BRINP2: variants seen among roughly 807,000 people sequenced by gnomAD.
BRINP2 encodes the protein BMP/retinoic acid-inducible neural-specific protein 2.
In BRINP2, 21 loss-of-function variants were observed where a neutral mutation model predicts 69.2. That is an observed-to-expected ratio of 0.30 (90% confidence interval 0.22 to 0.44). The LOEUF is 0.44. Among genes scored for constraint, BRINP2 ranks in the 20% least tolerant of loss-of-function variants. The pLI is 1.00. For missense variants in BRINP2, 877 were observed against 986.0 expected, an observed-to-expected ratio of 0.89 and a Z score of 1.48; for synonymous variants, 380 against 394.1, an observed-to-expected ratio of 0.96 and a Z score of 0.42.
At chr1:177,229,342 C>T (rs1481593064) in intron 1 of BRINP2, among the ~76,000 whole-genome samples, 2 of 152,222 alleles carry the variant, frequency 1.3e-5, no homozygotes, top group Admixed American at 1.3e-4. Flanking sequence ...TGGGTTGCTT[C>T]TCACCTTACA....
chr1:177,254,378 GCACA>G (rs71565492), intron 2 of BRINP2, among the ~76,000 whole-genome samples: 8,761 of 143,906 alleles, frequency 0.061, 293 homozygotes, highest in African/African-American at 0.097. Flanking sequence ...AAGCACACAT[GCACA>G]CACACACACA....
At position 177,248,133 on chromosome 1, in the gene BRINP2, A is replaced by G. The variant is rs146692803; in HGVS notation, c.270-7786A>G. ...ATAATCCGGCTGTTCGTGTGAAGTTATAGCACAACCACCCACATTGTAGGC... is the reference window on the plus strand; with the variant it reads ...ATAATCCGGCTGTTCGTGTGAAGTTGTAGCACAACCACCCACATTGTAGGC... On this transcript the variant is annotated intron_variant, in intron 2 of 7. Coordinates refer to ENST00000361539, the MANE Select transcript of BRINP2 (RefSeq NM_021165.4). Among the ~76,000 whole-genome samples, 127 of 152,330 alleles carry G rather than the reference A, an allele frequency of 8.3e-4. 3 individuals carry two copies. In the Middle Eastern group the frequency reaches 0.024, roughly 29 times the overall value.
intron 1 of BRINP2, among the ~76,000 whole-genome samples, chr1:177,223,058 TGGAAGGGAGGCTCC>T (rs1558165357): frequency 6.6e-6 from 1 of 152,200 alleles, no homozygotes; most frequent in Non-Finnish European, 1.5e-5. Flanking sequence ...TCCCCCTGAC[TGGAAGGGAGGCTCC>T]GGAGTAGAAG....
At chr1:177,217,550 G>T (rs1050273093) in intron 1 of BRINP2, among the ~76,000 whole-genome samples, 12 of 152,072 alleles carry the variant, frequency 7.9e-5, no homozygotes, top group African/African-American at 2.7e-4. Flanking sequence ...TCTTTTGGAG[G>T]TGTTATGAGT....
intron 3 of BRINP2, chr1:177,256,772 G>A: frequency 9.0e-7 from 1 of 1,112,914 alleles, no homozygotes; most frequent in South Asian, 2.3e-5. Flanking sequence ...CAGGTGTTGA[G>A]TGTTTGATGG....
At position 177,229,986 on chromosome 1, in the gene BRINP2, C is replaced by T. The variant is rs762102096; in HGVS notation, c.110C>T (p.Thr37Met). ...LPGWVLAVSA[T>M]AAAVVPEQHA... is the part of the protein sequence containing the mutation. Reference sequence around the variant, plus strand: ...GGCTGGGTGTTGGCTGTCTCAGCCACGGCGGCTGCTGTGGTCCCCGAGCAG... The same window carrying T: ...GGCTGGGTGTTGGCTGTCTCAGCCATGGCGGCTGCTGTGGTCCCCGAGCAG... Residue 37 changes from threonine to methionine, a missense_variant, in exon 2 of 8, where the codon ACG (threonine) becomes ATG (methionine). Transcript: ENST00000361539. The T allele has an allele frequency of 1.9e-6, 3 of 1,613,164 alleles. No homozygotes were observed. The highest frequency in any genetic ancestry group is 1.3e-5 in the African/African-American group (1 of 74,928).
At chr1:177,197,517 G>T (rs1217968896) in intron 1 of BRINP2, among the ~76,000 whole-genome samples, 1 of 152,100 alleles carries the variant, frequency 6.6e-6, no homozygotes, top group Non-Finnish European at 1.5e-5. Context: ...AGAGAGAGAA[G>T]CCATGTGAGG....
At chr1:177,202,862 C>A (rs1648959844) in intron 1 of BRINP2, among the ~76,000 whole-genome samples, 2 of 152,148 alleles carry the variant, frequency 1.3e-5, no homozygotes, top group African/African-American at 4.8e-5. Flanking sequence ...AATAGGAACA[C>A]TTGTACACTG....
At chr1:177,272,950 A>T (rs2102360159) in intron 4 of BRINP2, among the ~76,000 whole-genome samples, 1 of 152,392 alleles carries the variant, frequency 6.6e-6, no homozygotes, top group South Asian at 2.1e-4. Flanking sequence ...TTATTAAAAT[A>T]TGCAGTAAGC....
chr1:177,236,643 C>T (rs990154070), intron 2 of BRINP2, among the ~76,000 whole-genome samples: 3 of 152,084 alleles, frequency 2.0e-5, no homozygotes, highest in African/African-American at 4.8e-5. Context: ...TCAAGGAAAG[C>T]TGGAATAAAA....
rs55687261 is a variant in BRINP2 at position 177,266,121 on chromosome 1, AAAT to A, written c.670-7344_670-7342del. On this transcript the variant is annotated intron_variant, in intron 4 of 7. Coordinates refer to ENST00000361539, the MANE Select transcript of BRINP2 (RefSeq NM_021165.4). ...GGTGACAGAGTGAGACTCCATCTCA[AAAT>A]AATAATAATAATAATAATAATATTA... is the stretch of plus-strand genomic sequence containing the variant. 3.8e-3 allele frequency among the ~76,000 whole-genome samples: 568 copies of A among 147,998 alleles called. 3 individuals carry two copies. Among genetic ancestry groups the A allele is most frequent in the African/African-American group, 9.9e-3 (397 of 40,108 alleles).
chr1:177,220,960 A>C (rs1649511333), intron 1 of BRINP2, among the ~76,000 whole-genome samples: 1 of 152,212 alleles, frequency 6.6e-6, no homozygotes. Context: ...ATGCTTATCT[A>C]AGCTGGAAAA....
rs775522484 is a variant in BRINP2, at chr1:177,281,261, T to C, written c.2085T>C (p.Asp695=). Residue 695 remains aspartate (D), a synonymous_variant, in exon 8 of 8, where the codon GAT becomes GAC. Transcript: ENST00000361539. ...VFGYSLPFDP[D]AIRDLILQLD... is the part of the protein sequence containing the mutation. ...GCTACAGCCTGCCCTTTGACCCAGATGCTATCCGGGACTTAATTCTCCAGT... is the reference window on the plus strand; with the variant it reads ...GCTACAGCCTGCCCTTTGACCCAGACGCTATCCGGGACTTAATTCTCCAGT... 1.2e-6 allele frequency: 2 copies of C among 1,614,078 alleles called. No homozygotes were observed. Among genetic ancestry groups the C allele is most frequent in the Middle Eastern group, 1.6e-4 (1 of 6,084 alleles).
At chr1:177,174,384 A>G (rs748533774) in intron 1 of BRINP2, among the ~76,000 whole-genome samples, 1 of 152,250 alleles carries the variant, frequency 6.6e-6, no homozygotes, top group Admixed American at 6.5e-5. Flanking sequence ...GTGAAGAATA[A>G]AAGTCTCATA....
In BRINP2 at chr1:177,276,394, G is replaced by A. The variant is rs746335481; in HGVS notation, c.972G>A (p.Gln324=). ...TGGAGGACAGCCTGCTGCAGATCCA[G>A]GACTCCTGGGCCACTCACAACCGGC... is the stretch of plus-strand genomic sequence containing the variant. ...QAMEDSLLQI[Q]DSWATHNRQF... The change falls in exon 6 of 8, where the codon CAG becomes CAA. Residue 324 remains glutamine (Q), a synonymous_variant. Transcript: ENST00000361539. 6.1e-5 allele frequency: 99 copies of A among 1,614,034 alleles called. No homozygotes were observed. Among genetic ancestry groups the A allele is most frequent in the Non-Finnish European group, 8.1e-5 (95 of 1,180,040 alleles).
intron 1 of BRINP2, among the ~76,000 whole-genome samples, chr1:177,194,423 C>G (rs186436392): frequency 4.1e-4 from 62 of 152,270 alleles, no homozygotes; most frequent in Middle Eastern, 6.8e-3. Context: ...TTCTGAGAAC[C>G]TGGGTCCAGA....
chr1:177,258,073 G>A (rs190102608), intron 4 of BRINP2, among the ~76,000 whole-genome samples: 5 of 152,204 alleles, frequency 3.3e-5, no homozygotes, highest in African/African-American at 1.2e-4. Flanking sequence ...CCACTGGAAA[G>A]ATTTAACAGG....
At chr1:177,264,598 A>C (rs1445153205) in intron 4 of BRINP2, among the ~76,000 whole-genome samples, 1 of 152,240 alleles carries the variant, frequency 6.6e-6, no homozygotes, top group East Asian at 1.9e-4. Context: ...CTGATAAGCA[A>C]CTTTAGCAAA....
In BRINP2 at chr1:177,264,477, G is replaced by A. The variant is rs538545531; in HGVS notation, c.669+7093G>A. The stretch of plus-strand genomic sequence containing the variant: ...GGCCAGGGCAATAAGGCAAGGGAAA[G>A]AAATAAAGCATATTCAAATAGGAAG... On this transcript the variant is annotated intron_variant, in intron 4 of 7. Transcript: ENST00000361539. Among the ~76,000 whole-genome samples the A allele has an allele frequency of 3.3e-5, 5 of 152,306 alleles. No individual in the cohort carries two copies. In the South Asian group the frequency reaches 1.0e-3, roughly 32 times the overall value.
Sources: gnomAD v4.1 joint callset for allele counts (sites outside exome capture counted in the v4.1 genomes callset) on GRCh38, gnomAD v4.1.1 for gene constraint, MANE v1.5 for transcripts, NCBI Gene and HGNC (gene_info 2026-07-23, HGNC 2026-07-21) for gene names.